MALRD1: variants seen among roughly 807,000 people sequenced by gnomAD.
The protein encoded by MALRD1 is MAM and LDL-receptor class A domain-containing protein 1.
MALRD1 carries 247 observed loss-of-function variants against 242.1 expected under a neutral mutation model. That is an observed-to-expected ratio of 1.02 (90% confidence interval 0.92 to 1.13). The LOEUF is 1.13. MALRD1 is among the 50% of genes most tolerant of loss of function. MALRD1 has a pLI of 0.00. For synonymous variants in MALRD1, 995 were observed against 866.6 expected (o/e 1.15, Z -2.60); for missense variants, 2,989 against 2,533.1 (o/e 1.18, Z -3.86).
chr10:19,716,168 C>T (rs555914152), intron 38 of MALRD1, among the ~76,000 whole-genome samples: 196 of 152,328 alleles, frequency 1.3e-3, no homozygotes, highest in Middle Eastern at 3.4e-3. Flanking sequence ...ATATATTAAA[C>T]ACATTCAACC....
intron 36 of MALRD1, among the ~76,000 whole-genome samples, chr10:19,649,632 C>G (rs1037051127): frequency 7.2e-5 from 11 of 151,934 alleles, no homozygotes; most frequent in Admixed American, 6.6e-4. Flanking sequence ...GATATTAAAC[C>G]TTTGTCAGAT....
At chr10:19,281,684 T>C (rs2131882935) in intron 20 of MALRD1, among the ~76,000 whole-genome samples, 2 of 152,162 alleles carry the variant, frequency 1.3e-5, no homozygotes, top group South Asian at 4.1e-4. Context: ...TAAAAACACA[T>C]AACATGGCCA....
rs11009542 is a variant in MALRD1, at chr10:19,347,112, C to T, written c.3902-659C>T. Among the ~76,000 whole-genome samples the T allele has an allele frequency of 9.7e-4, 147 of 152,040 alleles. 1 individual carries two copies. In the East Asian group the frequency reaches 0.021, roughly 21 times the overall value. ...TCAGCTTTATAATTTACTTGCCGCA[C>T]GATAAAAAGATGCCTGTGTAATTAC... On this transcript the variant is annotated intron_variant, in intron 24 of 39. Coordinates refer to ENST00000454679, the MANE Select transcript of MALRD1 (RefSeq NM_001142308.3).
At chr10:19,650,800 A>G (rs1299949159) in intron 36 of MALRD1, among the ~76,000 whole-genome samples, 1 of 152,182 alleles carries the variant, frequency 6.6e-6, no homozygotes, top group East Asian at 1.9e-4. Flanking sequence ...CTTTCAATTC[A>G]GCTCAGGCTC....
At chr10:19,359,997 G>T (rs1342795913) in intron 26 of MALRD1, among the ~76,000 whole-genome samples, 1 of 151,978 alleles carries the variant, frequency 6.6e-6, no homozygotes, top group Non-Finnish European at 1.5e-5. Context: ...TAAGAACTTA[G>T]AATGATGGTA....
intron 24 of MALRD1, among the ~76,000 whole-genome samples, chr10:19,331,795 T>C (rs1843385572): frequency 6.6e-6 from 1 of 152,138 alleles, no homozygotes; most frequent in Non-Finnish European, 1.5e-5. Context: ...TGTGTGTATG[T>C]GTGTATTAAT....
At chr10:19,522,978 G>T (rs1589192972) in intron 31 of MALRD1, among the ~76,000 whole-genome samples, 1 of 152,108 alleles carries the variant, frequency 6.6e-6, no homozygotes, top group African/African-American at 2.4e-5. Context: ...GCAATTAATT[G>T]TCTTATTTCC....
intron 38 of MALRD1, among the ~76,000 whole-genome samples, chr10:19,729,593 G>A (rs536452704): frequency 7.2e-5 from 9 of 124,864 alleles, no homozygotes; most frequent in Non-Finnish European, 1.4e-4. Flanking sequence ...GGATCCTTTC[G>A]TGTGTGTGTG....
intron 10 of MALRD1, among the ~76,000 whole-genome samples, chr10:19,141,995 A>G (rs1235457502): frequency 6.6e-6 from 1 of 151,726 alleles, no homozygotes; most frequent in East Asian, 1.9e-4. Flanking sequence ...ACACAGTGAA[A>G]CCCCATCTCT....
chr10:19,485,800 A>G (rs1837213077), intron 29 of MALRD1, among the ~76,000 whole-genome samples: 1 of 152,146 alleles, frequency 6.6e-6, no homozygotes. Flanking sequence ...TCTGTCTTAC[A>G]TAACTACTTC....
At chr10:19,373,799 T>G (rs746977893) in intron 26 of MALRD1, among the ~76,000 whole-genome samples, 3 of 152,232 alleles carry the variant, frequency 2.0e-5, no homozygotes, top group Non-Finnish European at 4.4e-5. Context: ...GTTTTCACAC[T>G]GTTTTGTGTG....
chr10:19,557,815 G>T (rs1835792777), intron 32 of MALRD1, among the ~76,000 whole-genome samples: 4 of 151,980 alleles, frequency 2.6e-5, no homozygotes, highest in Admixed American at 2.0e-4. Flanking sequence ...AAAATAACTT[G>T]CTAGGACTTT....
intron 31 of MALRD1, among the ~76,000 whole-genome samples, chr10:19,507,372 T>A (rs1833191753): frequency 6.6e-6 from 1 of 152,128 alleles, no homozygotes; most frequent in African/African-American, 2.4e-5. Flanking sequence ...TAAAGGCGTT[T>A]AGAAAAATCG....
chr10:19,432,987 G>T (rs551150004), intron 28 of MALRD1, among the ~76,000 whole-genome samples: 2 of 152,104 alleles, frequency 1.3e-5, no homozygotes, highest in Non-Finnish European at 2.9e-5. Flanking sequence ...CTTGTAATGC[G>T]TCTGCACACA....
In MALRD1 at chr10:19,579,203, A is replaced by C. The variant is rs527910089; in HGVS notation, c.5680+11500A>C. Among the ~76,000 whole-genome samples the C allele has an allele frequency of 2.0e-5, 3 of 152,256 alleles. No individual in the cohort carries two copies. The East Asian group carries it at 5.8e-4, about 29-fold the overall frequency. On this transcript the variant is annotated intron_variant, in intron 33 of 39. Coordinates refer to ENST00000454679, the MANE Select transcript of MALRD1 (RefSeq NM_001142308.3). ...ACTTGTTCTATTTGATTGCATCATA[A>C]AGTAGTTGAGATATTGCACCTGGAA...
intron 5 of MALRD1, among the ~76,000 whole-genome samples, chr10:19,111,063 T>C (rs1836661494): frequency 6.6e-6 from 1 of 152,178 alleles, no homozygotes; most frequent in South Asian, 2.1e-4. Flanking sequence ...TAAATTTCTC[T>C]CTATCTTTGT....
At chr10:19,376,330 C>T (rs1398821790) in intron 26 of MALRD1, among the ~76,000 whole-genome samples, 2 of 152,046 alleles carry the variant, frequency 1.3e-5, no homozygotes, top group African/African-American at 4.8e-5. Context: ...TTGTGTTGCA[C>T]TTGAGTTCCT....
At chr10:19,450,601 CA>C in intron 29 of MALRD1, 111 bp downstream of exon 29, 1 of 893,798 alleles carries the variant, frequency 1.1e-6, no homozygotes, top group South Asian at 2.0e-5. Context: ...TACACATACA[CA>C]AATCAATGGA....
chr10:19,645,301 A>C (rs942441433), intron 36 of MALRD1, among the ~76,000 whole-genome samples: 3 of 152,222 alleles, frequency 2.0e-5, no homozygotes, highest in Non-Finnish European at 2.9e-5. Context: ...TAGTTCAACC[A>C]TTGTGGAAGT....
Sources: allele counts gnomAD v4.1 joint callset (sites outside exome capture counted in the v4.1 genomes callset), GRCh38; gene constraint gnomAD v4.1.1; transcripts MANE v1.5; gene names NCBI Gene and HGNC (gene_info 2026-07-23, HGNC 2026-07-21).